ARL15: variants seen among roughly 807,000 people sequenced by gnomAD.
ARL15 encodes the protein ADP-ribosylation factor-like protein 15.
Under a neutral mutation model 25.2 loss-of-function variants are expected in ARL15, and 19 were observed. The ratio of observed to expected loss-of-function variants is 0.75; its 90% CI spans 0.53 to 1.10. The LOEUF (loss-of-function observed/expected upper bound fraction) is 1.10, where lower values mean the gene tolerates loss of function less well. ARL15 is among the 50% of genes least tolerant of loss of function. The pLI is 0.00. For synonymous variants in ARL15, 94 were observed against 86.8 expected (o/e 1.08, Z -0.46); for missense variants, 220 against 246.0 (o/e 0.89, Z 0.71).
At chr5:53,990,934 G>A (rs927796635) in intron 4 of ARL15, among the ~76,000 whole-genome samples, 2 of 151,934 alleles carry the variant, frequency 1.3e-5, no homozygotes, top group Non-Finnish European at 2.9e-5. Context: ...GGCTTATTCC[G>A]AATATCTTAA....
At position 54,257,238 on chromosome 5, in the gene ARL15, C is replaced by A. The variant is rs1168130543; in HGVS notation, c.48+53194G>T. On this transcript the variant is annotated intron_variant, in intron 1 of 4. Transcript: ENST00000504924. ...CAGTAGCACTGCTATACACAAAAAA[C>A]GACCAAGCTGAGAATCAAATCAAGA... 2.1e-4 allele frequency among the ~76,000 whole-genome samples: 32 copies of A among 152,180 alleles called. 1 individual carries two copies. The highest frequency in any genetic ancestry group is 2.1e-3 in the Admixed American group (32 of 15,274).
At chr5:54,154,428 G>A in intron 3 of ARL15, 152 bp downstream of exon 3, 1 of 576,308 alleles carries the variant, frequency 1.7e-6, no homozygotes, top group Non-Finnish European at 3.0e-6. Flanking sequence ...AACATACGAA[G>A]AGAAGGAAAT....
chr5:54,218,266 A>T (rs929389407), intron 1 of ARL15, among the ~76,000 whole-genome samples: 8 of 152,232 alleles, frequency 5.3e-5, no homozygotes, highest in East Asian at 1.9e-4. Flanking sequence ...TGGTTTTTTT[A>T]AAAAATTTTG....
intron 3 of ARL15, among the ~76,000 whole-genome samples, chr5:54,132,944 A>T (rs1753481925): frequency 6.6e-6 from 1 of 152,222 alleles, no homozygotes; most frequent in African/African-American, 2.4e-5. Flanking sequence ...CTGCCTAAAA[A>T]AATCTAAACG....
chr5:54,201,094 C>T (rs1755711254), intron 1 of ARL15, among the ~76,000 whole-genome samples: 1 of 151,906 alleles, frequency 6.6e-6, no homozygotes, highest in Admixed American at 6.6e-5. Context: ...CAATAGCTTT[C>T]CTTGGTTTTA....
intron 2 of ARL15, among the ~76,000 whole-genome samples, chr5:54,162,362 A>T (rs536659022): frequency 3.3e-5 from 5 of 152,204 alleles, no homozygotes; most frequent in African/African-American, 1.2e-4. Flanking sequence ...TCAGTGAATC[A>T]TATTGAACCT....
chr5:54,038,727 T>C (rs978135324), intron 4 of ARL15, among the ~76,000 whole-genome samples: 3 of 125,740 alleles, frequency 2.4e-5, no homozygotes, highest in Admixed American at 7.7e-5. Flanking sequence ...TTTGTAAACA[T>C]ATATATATAT....
intron 4 of ARL15, among the ~76,000 whole-genome samples, chr5:54,008,386 G>C (rs952690439): frequency 6.6e-6 from 1 of 152,208 alleles, no homozygotes; most frequent in African/African-American, 2.4e-5. Context: ...GGTGCCGATT[G>C]CTCAAACCTT....
At chr5:54,284,788 T>A (rs1339913778) in intron 1 of ARL15, among the ~76,000 whole-genome samples, 1 of 152,184 alleles carries the variant, frequency 6.6e-6, no homozygotes, top group Non-Finnish European at 1.5e-5. Context: ...ACATCCGACC[T>A]CAGGCCAGGT....
intron 2 of ARL15, among the ~76,000 whole-genome samples, chr5:54,162,238 C>T (rs953352418): frequency 2.0e-5 from 3 of 152,096 alleles, no homozygotes; most frequent in Non-Finnish European, 2.9e-5. Context: ...GCCCTCCTTT[C>T]ACTATAATGA....
intron 4 of ARL15, among the ~76,000 whole-genome samples, chr5:53,983,757 T>C (rs77957899): frequency 0.012 from 1,774 of 152,196 alleles, 32 homozygotes; most frequent in African/African-American, 0.041. Flanking sequence ...TCACAGAAAA[T>C]AGACGGAAGA....
At chr5:54,104,059 GA>G (rs1752517285) in intron 4 of ARL15, among the ~76,000 whole-genome samples, 4 of 152,256 alleles carry the variant, frequency 2.6e-5, no homozygotes, top group Admixed American at 2.6e-4. Flanking sequence ...CAGCTGCCTG[GA>G]AATTGGTCTC....
intron 4 of ARL15, among the ~76,000 whole-genome samples, chr5:54,065,263 A>C (rs1183670538): frequency 2.0e-5 from 3 of 152,208 alleles, no homozygotes; most frequent in Non-Finnish European, 4.4e-5. Context: ...TCATTAATGC[A>C]TATATATTAA....
intron 4 of ARL15, among the ~76,000 whole-genome samples, chr5:54,110,390 G>GAA (rs1561227454): frequency 6.6e-6 from 1 of 151,996 alleles, no homozygotes; most frequent in Non-Finnish European, 1.5e-5. Flanking sequence ...ATAAATTATT[G>GAA]CACATTTTCT....
intron 3 of ARL15, among the ~76,000 whole-genome samples, chr5:54,132,038 T>C (rs1409804149): frequency 6.6e-6 from 1 of 152,082 alleles, no homozygotes; most frequent in Non-Finnish European, 1.5e-5. Flanking sequence ...GAACTAATAA[T>C]AACATGGTTC....
At chr5:53,979,406 G>A (rs1267713580) in intron 4 of ARL15, among the ~76,000 whole-genome samples, 6 of 151,990 alleles carry the variant, frequency 3.9e-5, no homozygotes, top group African/African-American at 1.2e-4. Context: ...GGGTATGGTG[G>A]TATGTGCCTG....
chr5:53,975,617 G>C (rs1020076701), intron 4 of ARL15, among the ~76,000 whole-genome samples: 5 of 152,224 alleles, frequency 3.3e-5, no homozygotes, highest in Non-Finnish European at 5.9e-5. Flanking sequence ...AAAGATACTA[G>C]GAGCATCTAG....
intron 1 of ARL15, among the ~76,000 whole-genome samples, chr5:54,209,051 G>A (rs1298258201): frequency 6.6e-6 from 1 of 152,128 alleles, no homozygotes; most frequent in African/African-American, 2.4e-5. Flanking sequence ...AGAAAGTAGA[G>A]TTTAATAAAG....
At chr5:54,031,774 AC>A (rs144815288) in intron 4 of ARL15, among the ~76,000 whole-genome samples, 2,044 of 152,282 alleles carry the variant, frequency 0.013, 31 homozygotes, top group Non-Finnish European at 0.016. Flanking sequence ...AAATGCAAGA[AC>A]TAAATGCAGT....
Sources: gnomAD v4.1 joint callset for allele counts (sites outside exome capture counted in the v4.1 genomes callset) on GRCh38, gnomAD v4.1.1 for gene constraint, MANE v1.5 for transcripts, NCBI Gene and HGNC (gene_info 2026-07-23, HGNC 2026-07-21) for gene names.